SUCLG2: variants seen among roughly 807,000 people sequenced by gnomAD.
The protein encoded by SUCLG2 is succinate--CoA ligase [GDP-forming] subunit beta, mitochondrial.
A neutral mutation model predicts 47.9 loss-of-function variants in SUCLG2; 42 were observed. The ratio of observed to expected loss-of-function variants is 0.88; its 90% CI spans 0.69 to 1.14. The LOEUF (loss-of-function observed/expected upper bound fraction) is 1.14. SUCLG2 is among the 50% of genes most tolerant of loss of function. The pLI, the probability that SUCLG2 is intolerant of heterozygous loss-of-function variation, is 0.00. For missense variants in SUCLG2, 571 were observed against 525.9 expected (o/e 1.09, Z -0.84); for synonymous variants, 195 against 197.3 (o/e 0.99, Z 0.10).
chr3:67,422,142 C>A (rs911663155), intron 9 of SUCLG2, among the ~76,000 whole-genome samples: 1 of 151,966 alleles, frequency 6.6e-6, no homozygotes, highest in African/African-American at 2.4e-5. Context: ...CCCTAAATAG[C>A]TCTGATGAGC....
chr3:67,654,026 G>A (rs1701336135), intron 1 of SUCLG2, among the ~76,000 whole-genome samples: 1 of 152,238 alleles, frequency 6.6e-6, no homozygotes. Context: ...GTAGCCTGCA[G>A]GAAGTTCACC....
chr3:67,515,841 C>T (rs78480092), intron 6 of SUCLG2, among the ~76,000 whole-genome samples: 3 of 152,132 alleles, frequency 2.0e-5, no homozygotes, highest in Non-Finnish European at 4.4e-5. Flanking sequence ...CACAGCTTTC[C>T]CTGGGATCCC....
intron 9 of SUCLG2, among the ~76,000 whole-genome samples, chr3:67,461,854 A>G (rs529680046): frequency 6.6e-6 from 1 of 152,052 alleles, no homozygotes; most frequent in African/African-American, 2.4e-5. Flanking sequence ...GGAGAAAGGG[A>G]TAACAGGCAG....
intron 9 of SUCLG2, among the ~76,000 whole-genome samples, chr3:67,435,771 T>C (rs1703604592): frequency 6.6e-6 from 1 of 152,224 alleles, no homozygotes; most frequent in Non-Finnish European, 1.5e-5. Flanking sequence ...CAACATTATA[T>C]GCTCACTCAA....
intron 9 of SUCLG2, among the ~76,000 whole-genome samples, chr3:67,425,503 GT>G (rs902747828): frequency 5.3e-5 from 8 of 152,236 alleles, no homozygotes; most frequent in African/African-American, 1.9e-4. Flanking sequence ...CATCCAATCT[GT>G]TGGGGGCCTA....
At chr3:67,602,346 C>A (rs1436769141) in intron 2 of SUCLG2, among the ~76,000 whole-genome samples, 1 of 152,136 alleles carries the variant, frequency 6.6e-6, no homozygotes, top group Non-Finnish European at 1.5e-5. Flanking sequence ...GTACTGTTCT[C>A]ATTTGTTTCT....
At chr3:67,392,363 A>T (rs1057240541) in intron 10 of SUCLG2, among the ~76,000 whole-genome samples, 1 of 152,230 alleles carries the variant, frequency 6.6e-6, no homozygotes, top group African/African-American at 2.4e-5. Context: ...GCTGCCGTCA[A>T]GCCTCAAATC....
At chr3:67,541,894 GT>G (rs1389261590) in intron 2 of SUCLG2, among the ~76,000 whole-genome samples, 1 of 150,992 alleles carries the variant, frequency 6.6e-6, no homozygotes, top group Non-Finnish European at 1.5e-5. Flanking sequence ...TTGAGACGGA[GT>G]TTTGCTCTTG....
intron 10 of SUCLG2, among the ~76,000 whole-genome samples, chr3:67,386,220 T>C (rs373308372): frequency 2.8e-3 from 423 of 151,616 alleles, no homozygotes; most frequent in African/African-American, 9.6e-3. Context: ...TCCCAAGTAG[T>C]TGGGACTACA....
intron 9 of SUCLG2, among the ~76,000 whole-genome samples, chr3:67,437,688 T>C (rs572273901): frequency 1.3e-5 from 2 of 152,234 alleles, no homozygotes; most frequent in South Asian, 4.1e-4. Context: ...TGGCAGTTTA[T>C]AAAATATGGA....
chr3:67,455,416 C>T (rs1704159813), intron 9 of SUCLG2, among the ~76,000 whole-genome samples: 1 of 152,088 alleles, frequency 6.6e-6, no homozygotes, highest in South Asian at 2.1e-4. Flanking sequence ...TCATGTTTGC[C>T]TAACCAACTC....
chr3:67,505,787 C>T (rs1303550695), intron 7 of SUCLG2, among the ~76,000 whole-genome samples: 1 of 152,000 alleles, frequency 6.6e-6, no homozygotes, highest in East Asian at 1.9e-4. Flanking sequence ...CGTGGTGAAA[C>T]CCCGTCTCTA....
intron 2 of SUCLG2, among the ~76,000 whole-genome samples, chr3:67,607,690 G>A (rs1700446626): frequency 6.6e-6 from 1 of 152,124 alleles, no homozygotes; most frequent in South Asian, 2.1e-4. Flanking sequence ...ATCTCACCTT[G>A]AATTGTAATA....
intron 2 of SUCLG2, among the ~76,000 whole-genome samples, chr3:67,537,532 G>C (rs185301291): frequency 6.6e-5 from 10 of 152,120 alleles, no homozygotes; most frequent in Non-Finnish European, 1.5e-4. Flanking sequence ...ATAAACATAC[G>C]TGTGCATGTG....
intron 2 of SUCLG2, among the ~76,000 whole-genome samples, chr3:67,604,154 A>C (rs2107302815): frequency 6.6e-6 from 1 of 152,350 alleles, no homozygotes; most frequent in Admixed American, 6.5e-5. Context: ...AGTGTTTCAG[A>C]AACAAAATGT....
chr3:67,602,013 AAAC>A (rs1708431477), intron 2 of SUCLG2, among the ~76,000 whole-genome samples: 1 of 151,842 alleles, frequency 6.6e-6, no homozygotes, highest in South Asian at 2.1e-4. Flanking sequence ...AAAAAAATAA[AAAC>A]AAGATAATAC....
At chr3:67,644,008 C>G (rs1270426119) in intron 1 of SUCLG2, among the ~76,000 whole-genome samples, 1 of 152,160 alleles carries the variant, frequency 6.6e-6, no homozygotes, top group Non-Finnish European at 1.5e-5. Flanking sequence ...CTGCATTTGA[C>G]CCACTGAAAG....
intron 9 of SUCLG2, among the ~76,000 whole-genome samples, chr3:67,443,888 C>T (rs1452684185): frequency 3.7e-5 from 3 of 81,568 alleles, no homozygotes; most frequent in Admixed American, 1.3e-4. Flanking sequence ...GGAGCCTCTC[C>T]ACCCGGCAGC....
intron 2 of SUCLG2, among the ~76,000 whole-genome samples, chr3:67,589,949 T>C (rs1302724890): frequency 7.0e-6 from 1 of 141,978 alleles, no homozygotes; most frequent in Non-Finnish European, 1.5e-5. Context: ...TTATTCAATT[T>C]GGGATATACT....
Sources: gnomAD v4.1 joint callset for allele counts (sites outside exome capture counted in the v4.1 genomes callset) on GRCh38, gnomAD v4.1.1 for gene constraint, MANE v1.5 for transcripts, NCBI Gene and HGNC (gene_info 2026-07-23, HGNC 2026-07-21) for gene names.